ZNF678: variants seen among roughly 807,000 people sequenced by gnomAD.
The protein encoded by ZNF678 is hypothetical protein MGC42493.
A neutral mutation model predicts 3.0 loss-of-function variants in ZNF678; 5 were observed. That is an observed-to-expected ratio of 1.69 (90% CI 0.88 to 3.56). The LOEUF (loss-of-function observed/expected upper bound fraction) is 3.56, where lower values mean the gene tolerates loss of function less well. ZNF678 is among the 30% of genes most tolerant of loss of function. The probability of loss-of-function intolerance (pLI) is 0.00; values close to 1 mark genes in which losing one functional copy is unlikely to be tolerated. For missense variants in ZNF678, 593 were observed against 605.0 expected (o/e 0.98, Z 0.21); for synonymous variants, 218 against 199.6 (o/e 1.09, Z -0.78).
chr1:227,614,898 G>T (rs1658106441), intron 1 of ZNF678, among the ~76,000 whole-genome samples: 1 of 152,144 alleles, frequency 6.6e-6, no homozygotes, highest in Admixed American at 6.5e-5. Flanking sequence ...ACCTTTACTT[G>T]TGTTTTTTCA....
At chr1:227,652,131 A>G (rs1659106698) in intron 3 of ZNF678, among the ~76,000 whole-genome samples, 1 of 152,198 alleles carries the variant, frequency 6.6e-6, no homozygotes, top group South Asian at 2.1e-4. Context: ...TAAATTATAT[A>G]TGTTCCCAAT....
At position 227,638,458 on chromosome 1, in the gene ZNF678, C is replaced by T. The variant is rs1474002533; in HGVS notation, c.-163-8086C>T. Among the ~76,000 whole-genome samples, 1 of 152,136 alleles carries T rather than the reference C, an allele frequency of 6.6e-6. No homozygotes were observed. Among genetic ancestry groups the T allele is most frequent in the Non-Finnish European group, 1.5e-5 (1 of 68,028 alleles). On this transcript the variant is annotated intron_variant, in intron 1 of 3. Transcript: ENST00000343776. This position sits in a 1 kb window ranked among gnomAD's most constrained non-coding sequence, Gnocchi z 4.2. ...TGAGAAACGATAGGCTTTAGGCCTACAAGAGCTGCTTGGGGGATGGGATAC... is the reference window on the plus strand; with the variant it reads ...TGAGAAACGATAGGCTTTAGGCCTATAAGAGCTGCTTGGGGGATGGGATAC...
intron 1 of ZNF678, among the ~76,000 whole-genome samples, chr1:227,592,710 A>G (rs1288068390): frequency 6.6e-6 from 1 of 152,226 alleles, no homozygotes; most frequent in Non-Finnish European, 1.5e-5. Context: ...GCGGGGCTCC[A>G]GTTGCATCTA....
intron 1 of ZNF678, among the ~76,000 whole-genome samples, chr1:227,584,487 T>A (rs934225868): frequency 6.6e-6 from 1 of 152,260 alleles, no homozygotes; most frequent in African/African-American, 2.4e-5. Flanking sequence ...TATCTCCAGC[T>A]AAGGCTGATC....
At chr1:227,566,216 C>T (rs17492447) in intron 1 of ZNF678, among the ~76,000 whole-genome samples, 2,542 of 152,258 alleles carry the variant, frequency 0.017, 60 homozygotes, top group South Asian at 0.057. Context: ...TGGAGCCTCT[C>T]AGTGAAGCAG....
intron 1 of ZNF678, among the ~76,000 whole-genome samples, chr1:227,570,941 A>T (rs1656824313): frequency 6.6e-6 from 1 of 152,148 alleles, no homozygotes; most frequent in South Asian, 2.1e-4. Flanking sequence ...TAAGATTTTC[A>T]TCCACTTTTT....
At chr1:227,597,092 T>C (rs959096350) in intron 1 of ZNF678, among the ~76,000 whole-genome samples, 1 of 152,330 alleles carries the variant, frequency 6.6e-6, no homozygotes, top group African/African-American at 2.4e-5. Context: ...TCCTGCCTCA[T>C]TCTGATTACT....
chr1:227,610,022 C>T (rs1243359902), intron 1 of ZNF678, among the ~76,000 whole-genome samples: 14 of 152,104 alleles, frequency 9.2e-5, no homozygotes, highest in East Asian at 1.9e-4. Context: ...TGTGAGCCAC[C>T]GCGCTCGACC....
chr1:227,667,729 T>C (rs1571927274), intron 5 of ZNF678, among the ~76,000 whole-genome samples: 1 of 152,350 alleles, frequency 6.6e-6, no homozygotes, highest in Admixed American at 6.5e-5. Flanking sequence ...TTGTATTTAA[T>C]GTAGTCAGAG....
At chr1:227,605,415 C>G (rs1657838870) in intron 1 of ZNF678, among the ~76,000 whole-genome samples, 1 of 152,098 alleles carries the variant, frequency 6.6e-6, no homozygotes, top group Non-Finnish European at 1.5e-5. Flanking sequence ...AATGTAGAGT[C>G]ACTTTCTTTA....
At chr1:227,632,737 T>G (rs988949077) in intron 1 of ZNF678, among the ~76,000 whole-genome samples, 1 of 152,138 alleles carries the variant, frequency 6.6e-6, no homozygotes, top group Non-Finnish European at 1.5e-5. Flanking sequence ...TAGGACAGAA[T>G]AGCAAGCGAA....
chr1:227,669,108 AC>A (rs1329379189), intron 5 of ZNF678, among the ~76,000 whole-genome samples: 1 of 151,950 alleles, frequency 6.6e-6, no homozygotes, highest in Admixed American at 6.5e-5. Flanking sequence ...AAAAAAAAAA[AC>A]CACTAACAGA....
intron 1 of ZNF678, among the ~76,000 whole-genome samples, chr1:227,627,215 C>T (rs373538039): frequency 6.6e-6 from 1 of 151,500 alleles, no homozygotes; most frequent in Non-Finnish European, 1.5e-5. Context: ...AATGCCTAAG[C>T]GAAAGGTTTG....
intron 1 of ZNF678, among the ~76,000 whole-genome samples, chr1:227,619,440 G>T (rs550237475): frequency 6.6e-6 from 1 of 152,120 alleles, no homozygotes; most frequent in African/African-American, 2.4e-5. Flanking sequence ...GTTGTGGGAC[G>T]GAGCCTCGAA....
chr1:227,610,936 C>T (rs1658001684), intron 1 of ZNF678, among the ~76,000 whole-genome samples: 3 of 152,286 alleles, frequency 2.0e-5, no homozygotes, highest in South Asian at 4.1e-4. Flanking sequence ...CTGCTGATTA[C>T]CACAACCTCA....
chr1:227,635,223 G>T (rs1389677705), intron 1 of ZNF678, among the ~76,000 whole-genome samples: 7 of 152,020 alleles, frequency 4.6e-5, no homozygotes, highest in Non-Finnish European at 1.0e-4. Context: ...CTTTTAAAAA[G>T]CTAAATATGT....
At chr1:227,573,182 C>G (rs926011147) in intron 1 of ZNF678, among the ~76,000 whole-genome samples, 5 of 152,202 alleles carry the variant, frequency 3.3e-5, no homozygotes, top group Non-Finnish European at 5.9e-5. Context: ...GAGAGAAGTT[C>G]ATTGAAGGAG....
intron 1 of ZNF678, among the ~76,000 whole-genome samples, chr1:227,615,013 C>G (rs1237446933): frequency 6.6e-6 from 1 of 152,252 alleles, no homozygotes; most frequent in African/African-American, 2.4e-5. Context: ...GAGGCAAGAG[C>G]TCTGCTCCAC....
chr1:227,666,263 G>A (rs1659502536), downstream of ZNF678, among the ~76,000 whole-genome samples: 2 of 151,994 alleles, frequency 1.3e-5, no homozygotes, highest in East Asian at 3.9e-4. Context: ...GCTAAAGAGG[G>A]TAAACAAAAA....
Sources: gnomAD v4.1 joint callset for allele counts (sites outside exome capture counted in the v4.1 genomes callset) on GRCh38, gnomAD v4.1.1 for gene constraint, Gnocchi (gnomAD v3.1) non-coding constraint, MANE v1.5 for transcripts, NCBI Gene and HGNC (gene_info 2026-07-23, HGNC 2026-07-21) for gene names.